The following CYB5R3 variants were observed in gnomAD, a reference collection of about 807,000 sequenced individuals.
The protein encoded by CYB5R3 is cytochrome b5 reductase 3.
A neutral mutation model predicts 36.5 loss-of-function variants in CYB5R3; 28 were observed. That is an observed-to-expected ratio of 0.77 (90% CI 0.57 to 1.05). The LOEUF is 1.05. CYB5R3 is among the 50% of genes least tolerant of loss of function. The pLI, the probability that CYB5R3 is intolerant of heterozygous loss-of-function variation, is 0.00. For synonymous variants in CYB5R3, 181 were observed against 159.8 expected, an observed-to-expected ratio of 1.13 and a Z score of -1.00; for missense variants, 474 against 408.9, an observed-to-expected ratio of 1.16 and a Z score of -1.37.
chr22:42,635,296 G>A (rs1002436572), intron 2 of CYB5R3, among the ~76,000 whole-genome samples: 5 of 151,524 alleles, frequency 3.3e-5, no homozygotes, highest in Admixed American at 2.0e-4. Flanking sequence ...AGTAGAGACA[G>A]AGTTTCACCG....
intron 1 of CYB5R3, chr22:42,646,541 G>C (rs1386905123): frequency 1.2e-5 from 7 of 578,030 alleles, no homozygotes; most frequent in Non-Finnish European, 1.5e-5. Flanking sequence ...GGGGTGGGCA[G>C]AGAGAGCTGC....
intron 7 of CYB5R3, among the ~76,000 whole-genome samples, chr22:42,625,288 C>A (rs185779619): frequency 6.6e-6 from 1 of 152,196 alleles, no homozygotes; most frequent in East Asian, 1.9e-4. Context: ...GGGTGGATCA[C>A]TTGAGCTCAT....
intron 4 of CYB5R3, among the ~76,000 whole-genome samples, chr22:42,630,600 CCTT>C (rs892854672): frequency 3.3e-5 from 5 of 152,226 alleles, no homozygotes; most frequent in African/African-American, 1.2e-4. Flanking sequence ...GCCAAGACCC[CCTT>C]CTTTGGCTTT....
At chr22:42,646,633 T>C (rs2051701491) in intron 1 of CYB5R3, 1 of 985,300 alleles carries the variant, frequency 1.0e-6, no homozygotes, top group Non-Finnish European at 1.2e-6. Flanking sequence ...GTCGGGTGAC[T>C]TGCTTACCTG....
In CYB5R3 at chr22:42,627,473, G is replaced by A. The variant is rs1928340891; in HGVS notation, c.548-84C>T. On this transcript the variant is annotated intron_variant, in intron 6 of 8. Transcript: ENST00000352397. ...CCCCGCCCAGGTGTACTGGGGTGGA[G>A]GGGCCAGGACCACTGGGCCTGGGCC... 4 of 1,510,286 alleles carry A rather than the reference G, an allele frequency of 2.6e-6. No individual in the cohort carries two copies. In the Admixed American group the frequency reaches 5.3e-5, roughly 20 times the overall value. 93.6% of individuals were successfully genotyped at this position (1,510,286 alleles called of 1,614,324 possible).
chr22:42,624,034 C>A, intron 7 of CYB5R3, 146 bp from the exon 8 acceptor site: 1 of 707,742 alleles, frequency 1.4e-6, no homozygotes, highest in Non-Finnish European at 2.5e-6. Context: ...CAGAGATCAC[C>A]CTGGCACCCC....
At chr22:42,628,091 C>G (rs370674514) in intron 5 of CYB5R3, 61 bp downstream of exon 5, 1 of 1,608,330 alleles carries the variant, frequency 6.2e-7, no homozygotes, top group Non-Finnish European at 8.5e-7. Flanking sequence ...GCACCCAGCA[C>G]GCCCAAGCTC....
chr22:42,639,335 A>AG (rs1569325248), intron 1 of CYB5R3, among the ~76,000 whole-genome samples: 4 of 137,644 alleles, frequency 2.9e-5, no homozygotes, highest in Admixed American at 7.1e-5. Context: ...AAAAAAAAAA[A>AG]AGTGGGGGGG....
chr22:42,624,407 C>A (rs1330290752), intron 7 of CYB5R3, among the ~76,000 whole-genome samples: 2 of 152,164 alleles, frequency 1.3e-5, no homozygotes, highest in Non-Finnish European at 2.9e-5. Context: ...AGACACCACT[C>A]CCCACCCAAC....
intron 6 of CYB5R3, 29 bp downstream of exon 6, chr22:42,627,576 C>A: frequency 6.3e-7 from 1 of 1,599,306 alleles, no homozygotes; most frequent in Non-Finnish European, 8.6e-7. Flanking sequence ...CATGAGCCGC[C>A]GGACGCCTCA....
At chr22:42,628,746 G>A (rs915972772) in intron 4 of CYB5R3, among the ~76,000 whole-genome samples, 1 of 152,174 alleles carries the variant, frequency 6.6e-6, no homozygotes, top group African/African-American at 2.4e-5. Context: ...CACTCTCTAG[G>A]ATTACTGTCT....
intron 1 of CYB5R3, among the ~76,000 whole-genome samples, chr22:42,642,947 T>C (rs1929357106): frequency 6.6e-6 from 1 of 152,142 alleles, no homozygotes; most frequent in Admixed American, 6.6e-5. Context: ...CCCTACAAGT[T>C]CCCTTTTCAC....
chr22:42,641,656 T>C (rs546462961), intron 1 of CYB5R3, among the ~76,000 whole-genome samples: 3 of 152,296 alleles, frequency 2.0e-5, no homozygotes, highest in African/African-American at 7.2e-5. Context: ...CAGTTAATTT[T>C]TGTATCATTA....
Position 42,623,817 on chromosome 22 carries a change from G to C in CYB5R3, c.705C>G (p.Leu235=). 6.2e-7 allele frequency: 1 copy of C among 1,614,172 alleles called. No homozygotes were observed. The highest frequency in any genetic ancestry group is 1.1e-5 in the South Asian group (1 of 91,088). The change falls in exon 8 of 9, where the codon CTC becomes CTG. Residue 235 remains leucine, a synonymous_variant. Transcript: ENST00000352397. The stretch of plus-strand genomic sequence containing the variant: ...CAGGGGCTCTGTCCAGCGTGTACCA[G>C]AGCTTGAAGCGTGCAGAATGTTTGT... ...LRNKHSARFK[L]WYTLDRAPEA...
At chr22:42,627,751 CTGGAGAGGG>C (rs1928365300) in intron 5 of CYB5R3, 63 bp from the exon 6 acceptor site, 3 of 1,282,200 alleles carry the variant, frequency 2.3e-6, no homozygotes, top group African/African-American at 1.5e-5. Context: ...GCTGGAGAGG[CTGGAGAGGG>C]GGCTGGAGAA....
At chr22:42,628,392 A>C in intron 4 of CYB5R3, 111 bp from the exon 5 acceptor site, 2 of 1,384,916 alleles carry the variant, frequency 1.4e-6, no homozygotes, top group East Asian at 2.3e-5. Context: ...AGGCCCACAC[A>C]TGGCCTTCTC....
chr22:42,640,472 G>C (rs1196364277), intron 1 of CYB5R3: 1 of 289,514 alleles, frequency 3.5e-6, no homozygotes, highest in Non-Finnish European at 5.9e-6. Context: ...TCCGCCTCCC[G>C]GGTTCAAGTG....
chr22:42,628,012 A>C, intron 5 of CYB5R3, 140 bp downstream of exon 5: 1 of 1,244,898 alleles, frequency 8.0e-7, no homozygotes, highest in Non-Finnish European at 1.2e-6. Context: ...AGGGAGACTC[A>C]GTTCCCAGAG....
intron 3 of CYB5R3, 165 bp downstream of exon 3, chr22:42,631,213 C>CA: frequency 1.3e-6 from 1 of 786,216 alleles, no homozygotes. Flanking sequence ...TGGGCCTTCC[C>CA]ACTCTCATTC....
Sources: allele counts gnomAD v4.1 joint callset (sites outside exome capture counted in the v4.1 genomes callset), GRCh38; gene constraint gnomAD v4.1.1; transcripts MANE v1.5; gene names NCBI Gene and HGNC (gene_info 2026-07-23, HGNC 2026-07-21).